LZTFL1: variants seen among roughly 807,000 people sequenced by gnomAD.
LZTFL1 encodes leucine zipper transcription factor like 1, also known as leucine zipper transcription factor-like protein 1.
In LZTFL1, 25 loss-of-function variants were observed where a neutral mutation model predicts 45.9. That is an observed-to-expected ratio of 0.54 (90% CI 0.40 to 0.76). The LOEUF (loss-of-function observed/expected upper bound fraction) is 0.76, where lower values mean the gene tolerates loss of function less well. Ranked by LOEUF, LZTFL1 falls within the 30% of genes least tolerant of loss-of-function variation. LZTFL1 has a pLI of 0.00. For missense variants in LZTFL1, 277 were observed against 331.1 expected (o/e 0.84, Z 1.27); for synonymous variants, 93 against 117.4 (o/e 0.79, Z 1.35).
intron 2 of LZTFL1, chr3:45,902,054 G>A: frequency 1.5e-6 from 1 of 684,052 alleles, no homozygotes; most frequent in Non-Finnish European, 2.4e-6. Flanking sequence ...ATTTGCCAAA[G>A]CAAATATTTC....
In LZTFL1 at chr3:45,900,789, C is replaced by T. The variant is rs749672283; in HGVS notation, c.-215+12331G>A. ...TCAAAATATTTTCCTTGACCTAATG[C>T]CATCTTGTGTCCCCTTGCAGAGCCC... On this transcript the variant is annotated intron_variant, in intron 2 of 4. Transcript: ENST00000472635. The surrounding 1 kb of genome is among the most constrained non-coding windows in gnomAD (Gnocchi z 4.7). The T allele has an allele frequency of 3.3e-5, 53 of 1,592,928 alleles. No homozygotes were observed. Among genetic ancestry groups the T allele is most frequent in the Non-Finnish European group, 4.5e-5 (53 of 1,167,886 alleles).
At chr3:45,842,178 G>A (rs1022224602), upstream of LZTFL1, 3 of 1,464,038 alleles carry the variant, frequency 2.0e-6, no homozygotes, top group African/African-American at 4.2e-5. Context: ...TTGGTCCTCA[G>A]GATCACGCGA....
intron 9 of LZTFL1, chr3:45,827,071 G>A (rs762593789): frequency 1.6e-5 from 6 of 369,144 alleles, no homozygotes; most frequent in Non-Finnish European, 2.9e-5. Flanking sequence ...CTGCGAGCTT[G>A]CTGTGTTTCC....
intron 3 of LZTFL1, among the ~76,000 whole-genome samples, chr3:45,856,746 T>C (rs1371234429): frequency 2.0e-5 from 3 of 152,064 alleles, no homozygotes; most frequent in African/African-American, 7.2e-5. Context: ...AAGAAGACAT[T>C]TATGCAGCCA....
At chr3:45,839,787 A>G (rs537324198) in intron 1 of LZTFL1, among the ~76,000 whole-genome samples, 43 of 152,206 alleles carry the variant, frequency 2.8e-4, no homozygotes, top group Non-Finnish European at 3.4e-4. Context: ...AATGCATACA[A>G]TTGGATCTCA....
At chr3:45,855,761 T>C (rs999658116) in intron 3 of LZTFL1, among the ~76,000 whole-genome samples, 57 of 151,756 alleles carry the variant, frequency 3.8e-4, no homozygotes, top group Non-Finnish European at 6.5e-4. Flanking sequence ...ACACCACAAA[T>C]AGACAGACAG....
intron 2 of LZTFL1, among the ~76,000 whole-genome samples, chr3:45,872,910 A>T (rs1249689800): frequency 6.6e-6 from 1 of 152,230 alleles, no homozygotes; most frequent in Non-Finnish European, 1.5e-5. Flanking sequence ...AGGCTGAAGT[A>T]GGGCTGTGAT....
At chr3:45,875,808 A>G (rs1408823143) in intron 2 of LZTFL1, among the ~76,000 whole-genome samples, 1 of 152,256 alleles carries the variant, frequency 6.6e-6, no homozygotes, top group Non-Finnish European at 1.5e-5. Context: ...CCCAGAGTAG[A>G]AGGTTTTTTT....
chr3:45,849,531 G>A (rs964227753), intron 4 of LZTFL1, among the ~76,000 whole-genome samples: 1 of 152,126 alleles, frequency 6.6e-6, no homozygotes, highest in African/African-American at 2.4e-5. Flanking sequence ...TTACATATCT[G>A]GTCTAGTGCT....
At chr3:45,845,900 A>G (rs1701210500), upstream of LZTFL1, among the ~76,000 whole-genome samples, 1 of 152,244 alleles carries the variant, frequency 6.6e-6, no homozygotes, top group African/African-American at 2.4e-5. Context: ...AATATGAAAA[A>G]TAAAGTGAAC....
rs1288389036 is a variant in LZTFL1 at position 45,842,067 on chromosome 3, G to T, written c.-76C>A. Reference sequence around the variant, plus strand: ...CCCCGCCAAGCCTGGGATCGCCGAGGGTAGTTGGACCACAGAAAATGGGGA... The same window carrying T: ...CCCCGCCAAGCCTGGGATCGCCGAGTGTAGTTGGACCACAGAAAATGGGGA... On this transcript the variant is annotated 5_prime_UTR_variant, in exon 1 of 10. Transcript: ENST00000296135. 1.4e-5 allele frequency: 23 copies of T among 1,594,002 alleles called. No individual in the cohort carries two copies. The South Asian group carries it at 2.1e-4, about 15-fold the overall frequency.
intron 2 of LZTFL1, among the ~76,000 whole-genome samples, chr3:45,907,066 T>C (rs1168747451): frequency 1.3e-5 from 2 of 152,212 alleles, no homozygotes; most frequent in African/African-American, 4.8e-5. Flanking sequence ...CATGCAGACC[T>C]CTCAGGTTGG....
intron 2 of LZTFL1, among the ~76,000 whole-genome samples, chr3:45,877,477 G>A (rs900399852): frequency 2.6e-5 from 4 of 151,808 alleles, no homozygotes; most frequent in Admixed American, 6.6e-5. Flanking sequence ...CAGGTGATCC[G>A]CCTGCCTCGG....
At chr3:45,913,218 A>G in intron 1 of LZTFL1, 3 of 1,375,276 alleles carry the variant, frequency 2.2e-6, no homozygotes, top group East Asian at 2.5e-5. Context: ...CAATGCTACT[A>G]TTGTTACTAT....
At chr3:45,891,124 T>C (rs1702167118) in intron 2 of LZTFL1, among the ~76,000 whole-genome samples, 1 of 152,244 alleles carries the variant, frequency 6.6e-6, no homozygotes. Flanking sequence ...ATTTTTCAGA[T>C]AAATGTCAGT....
intron 2 of LZTFL1, among the ~76,000 whole-genome samples, chr3:45,907,695 G>C (rs1471962): frequency 0.11 from 17,164 of 152,184 alleles, 1,259 homozygotes; most frequent in Non-Finnish European, 0.17. Context: ...TTATCCTCCT[G>C]TGTGGCACAC....
intron 2 of LZTFL1, chr3:45,903,178 G>A (rs1702611635): frequency 6.0e-6 from 1 of 166,948 alleles, no homozygotes; most frequent in Non-Finnish European, 1.5e-5. Context: ...GATACATTAA[G>A]AGTGTGAAGG....
intron 2 of LZTFL1, among the ~76,000 whole-genome samples, chr3:45,906,103 G>T (rs1383768944): frequency 1.3e-5 from 2 of 152,094 alleles, no homozygotes; most frequent in Non-Finnish European, 2.9e-5. Flanking sequence ...TTCTCACCAG[G>T]GGCTGCCAAT....
At chr3:45,852,594 T>G (rs1701325695) in intron 4 of LZTFL1, among the ~76,000 whole-genome samples, 1 of 152,198 alleles carries the variant, frequency 6.6e-6, no homozygotes, top group Non-Finnish European at 1.5e-5. Context: ...CCCATTTTTA[T>G]AAACACACAT....
Sources: allele counts gnomAD v4.1 joint callset (sites outside exome capture counted in the v4.1 genomes callset), GRCh38; gene constraint gnomAD v4.1.1; non-coding constraint Gnocchi (gnomAD v3.1); transcripts MANE v1.5; gene names NCBI Gene and HGNC (gene_info 2026-07-23, HGNC 2026-07-21).